Variants in FGD4 observed in about 807,000 individuals in gnomAD.
FGD4 encodes the protein FYVE, RhoGEF and PH domain-containing protein 4.
Under a neutral mutation model 102.0 loss-of-function variants are expected in FGD4, and 42 were observed. That is an observed-to-expected ratio of 0.41 (90% CI 0.32 to 0.53). The LOEUF is 0.53. FGD4 is among the 20% of genes least tolerant of loss of function. The pLI is 0.21. For synonymous variants in FGD4, 380 were observed against 375.7 expected (o/e 1.01, Z -0.13); for missense variants, 902 against 1,078.2 (o/e 0.84, Z 2.29).
intron 1 of FGD4, among the ~76,000 whole-genome samples, chr12:32,424,083 GTTATACT>G (rs1250367479): frequency 3.3e-5 from 5 of 151,732 alleles, no homozygotes; most frequent in Non-Finnish European, 7.4e-5. Flanking sequence ...TTTATTTTTT[GTTATACT>G]TTAAGTTCTG....
intron 1 of FGD4, among the ~76,000 whole-genome samples, chr12:32,509,694 A>G (rs1338559057): frequency 6.6e-6 from 1 of 152,186 alleles, no homozygotes; most frequent in Non-Finnish European, 1.5e-5. Flanking sequence ...AGAAAAGAGG[A>G]TGTATAGAAA....
intron 1 of FGD4, among the ~76,000 whole-genome samples, chr12:32,413,973 C>CTTTTTTT (rs34824025): frequency 1.5e-5 from 2 of 129,272 alleles, no homozygotes; most frequent in Non-Finnish European, 3.2e-5. Flanking sequence ...CTTGAGGATA[C>CTTTTTTT]TTTTTTTTTT....
intron 1 of FGD4, among the ~76,000 whole-genome samples, chr12:32,453,214 A>ATTT (rs1565749028): frequency 7.7e-5 from 4 of 52,158 alleles, no homozygotes; most frequent in East Asian, 5.1e-4. Context: ...ATATATATAT[A>ATTT]TATATAATAT....
At chr12:32,476,413 C>T (rs1479118012) in intron 1 of FGD4, among the ~76,000 whole-genome samples, 3 of 152,074 alleles carry the variant, frequency 2.0e-5, no homozygotes, top group African/African-American at 4.8e-5. Flanking sequence ...GCTGACAGCT[C>T]GATTAGATTT....
chr12:32,590,137 G>A (rs924222960), intron 4 of FGD4, among the ~76,000 whole-genome samples: 7 of 151,792 alleles, frequency 4.6e-5, no homozygotes, highest in Admixed American at 1.3e-4. Flanking sequence ...GTGAAACCTC[G>A]TCTCTACTAA....
intron 2 of FGD4, among the ~76,000 whole-genome samples, chr12:32,568,221 C>A (rs941250949): frequency 6.6e-6 from 1 of 152,178 alleles, no homozygotes; most frequent in Non-Finnish European, 1.5e-5. Flanking sequence ...ATTTCAAAAT[C>A]AGCAGAAAGA....
At chr12:32,524,395 C>CAAAAAA (rs959203100) in intron 1 of FGD4, among the ~76,000 whole-genome samples, 785 of 69,274 alleles carry the variant, frequency 0.011, 23 homozygotes, top group African/African-American at 0.043. Flanking sequence ...GACTCTGTCT[C>CAAAAAA]AAAAAAAAAA....
chr12:32,628,525 G>T (rs1950308945), intron 14 of FGD4, among the ~76,000 whole-genome samples: 1 of 152,232 alleles, frequency 6.6e-6, no homozygotes, highest in Admixed American at 6.5e-5. Context: ...GAGGCCAGGC[G>T]CAGTGGCTTA....
intron 1 of FGD4, among the ~76,000 whole-genome samples, chr12:32,440,062 G>T (rs1181332937): frequency 6.6e-6 from 1 of 152,048 alleles, no homozygotes; most frequent in East Asian, 1.9e-4. Context: ...ATGTTATTTT[G>T]AATTTCTTTG....
intron 10 of FGD4, among the ~76,000 whole-genome samples, chr12:32,618,621 C>G (rs920440331): frequency 2.0e-5 from 3 of 151,990 alleles, no homozygotes; most frequent in Non-Finnish European, 4.4e-5. Flanking sequence ...TATTTGAGAC[C>G]AGGAGTTAAA....
rs148312661 is a variant in FGD4 at position 32,534,897 on chromosome 12, G to A, written c.167-29240G>A. ...ATCATTTTTCTAGTGCTACTGCACGGAGCATTGTTCTGTTAAAACAAACAA... is the reference window on the plus strand; with the variant it reads ...ATCATTTTTCTAGTGCTACTGCACGAAGCATTGTTCTGTTAAAACAAACAA... On this transcript the variant is annotated intron_variant, in intron 1 of 16. Coordinates refer to ENST00000534526, the MANE Select transcript of FGD4 (RefSeq NM_001370298.3). 6.7e-4 allele frequency among the ~76,000 whole-genome samples: 102 copies of A among 152,330 alleles called. 2 individuals are homozygous for A. Among genetic ancestry groups the A allele is most frequent in the African/African-American group, 2.2e-3 (92 of 41,580 alleles).
chr12:32,638,198 C>T (rs900505071), intron 15 of FGD4, among the ~76,000 whole-genome samples: 2 of 152,070 alleles, frequency 1.3e-5, no homozygotes, highest in East Asian at 1.9e-4. Flanking sequence ...CCTGTTTCTA[C>T]AAAAAATTTA....
intron 4 of FGD4, among the ~76,000 whole-genome samples, chr12:32,587,099 C>T (rs1376720100): frequency 6.9e-6 from 1 of 144,196 alleles, no homozygotes; most frequent in Non-Finnish European, 1.5e-5. Flanking sequence ...CTGAGGCAGG[C>T]GAATTGCTTG....
At chr12:32,639,108 G>T (rs1372268703) in intron 16 of FGD4, among the ~76,000 whole-genome samples, 2 of 152,162 alleles carry the variant, frequency 1.3e-5, no homozygotes, top group South Asian at 2.1e-4. Context: ...CCTTTTTAAT[G>T]ATAGGAAACA....
chr12:32,446,841 C>T (rs1288077943), intron 1 of FGD4, among the ~76,000 whole-genome samples: 2 of 152,062 alleles, frequency 1.3e-5, no homozygotes, highest in Non-Finnish European at 1.5e-5. Context: ...TGAGGAACAG[C>T]GCGTACAGGA....
intron 3 of FGD4, among the ~76,000 whole-genome samples, chr12:32,578,889 A>G (rs1946347520): frequency 6.6e-6 from 1 of 151,152 alleles, no homozygotes; most frequent in Admixed American, 6.6e-5. Flanking sequence ...GAGCAAGTAG[A>G]TTTTCTTTAA....
chr12:32,498,478 C>T (rs921042669), intron 1 of FGD4, among the ~76,000 whole-genome samples: 1 of 151,966 alleles, frequency 6.6e-6, no homozygotes, highest in Non-Finnish European at 1.5e-5. Context: ...CACCCACATC[C>T]CATTAGTAAG....
At chr12:32,433,473 C>T (rs1942121087) in intron 1 of FGD4, among the ~76,000 whole-genome samples, 1 of 151,872 alleles carries the variant, frequency 6.6e-6, no homozygotes, top group Non-Finnish European at 1.5e-5. Flanking sequence ...CTCAGCCTCC[C>T]GAGTAGCTGG....
At chr12:32,534,571 C>T (rs898659882) in intron 1 of FGD4, 5 of 886,638 alleles carry the variant, frequency 5.6e-6, no homozygotes, top group Admixed American at 7.1e-5. Context: ...CACTGCATGC[C>T]GAGGGATGTA....
Sources: gnomAD v4.1 joint callset for allele counts (sites outside exome capture counted in the v4.1 genomes callset) on GRCh38, gnomAD v4.1.1 for gene constraint, MANE v1.5 for transcripts, NCBI Gene and HGNC (gene_info 2026-07-23, HGNC 2026-07-21) for gene names.